The following STK31 variants were observed in gnomAD, a reference collection of about 807,000 sequenced individuals.
STK31 encodes serine/threonine kinase 31.
In STK31, 89 loss-of-function variants were observed where a neutral mutation model predicts 129.7. The observed-to-expected ratio is 0.69, with a 90% CI of 0.58 to 0.82. The LOEUF is 0.82. STK31 is among the 40% of genes least tolerant of loss of function. The pLI is 0.00. For synonymous variants in STK31, 448 were observed against 395.3 expected, an observed-to-expected ratio of 1.13 and a Z score of -1.58; for missense variants, 1,187 against 1,176.4, an observed-to-expected ratio of 1.01 and a Z score of -0.13.
intron 10 of STK31, chr7:23,755,198 T>TA (rs1339818735): frequency 6.6e-6 from 1 of 152,226 alleles, no homozygotes; most frequent in African/African-American, 2.4e-5. Flanking sequence ...TTCTAACTGG[T>TA]ATGAGATGGT....
rs182008975 is a variant in STK31 at position 23,715,269 on chromosome 7, G to C, written c.151-2212G>C. ...ACTTATAAGCAAACACTTCAGATTG[G>C]ATGAGTGGCAGCTGAAGGAATCTGA... On this transcript the variant is annotated intron_variant, in intron 3 of 23. Transcript: ENST00000355870. Among the ~76,000 whole-genome samples, 76 of 152,128 alleles carry C rather than the reference G, an allele frequency of 5.0e-4. No homozygotes were observed. The East Asian group carries it at 0.012, about 23-fold the overall frequency.
intron 13 of STK31, among the ~76,000 whole-genome samples, chr7:23,770,516 T>C (rs1185492554): frequency 6.6e-6 from 1 of 152,234 alleles, no homozygotes; most frequent in Non-Finnish European, 1.5e-5. Context: ...TTATAGTTCT[T>C]ATATTTAGCA....
At chr7:23,811,228 G>T in intron 22 of STK31, 1 of 291,866 alleles carries the variant, frequency 3.4e-6, no homozygotes, top group Non-Finnish European at 6.7e-6. Flanking sequence ...GAGCAACTGT[G>T]CCATCTAGAT....
Position 23,717,521 on chromosome 7 carries a change from C to T in STK31, c.191C>T (p.Ser64Leu), listed in dbSNP as rs1281321364. ...RNKDIMKIGC[S>L]LSEVCPQASS... is the part of the protein sequence containing the mutation. ...AAGGATATCATGAAGATTGGTTGCT[C>T]ACTGTCTGAAGTTTGCCCCCAGGCC... Residue 64 changes from serine to leucine, a missense_variant, in exon 4 of 24, where the codon TCA (serine) becomes TTA (leucine). This residue lies in a region of STK31 where 104 missense variants were observed against 98.3 expected (regional missense o/e 1.06). Transcript: ENST00000355870. The T allele has an allele frequency of 1.2e-6, 2 of 1,613,038 alleles. No individual in the cohort carries two copies. The highest frequency in any genetic ancestry group is 1.3e-5 in the African/African-American group (1 of 74,838).
chr7:23,734,155 T>C (rs1258657075), intron 6 of STK31, among the ~76,000 whole-genome samples: 1 of 152,236 alleles, frequency 6.6e-6, no homozygotes, highest in Non-Finnish European at 1.5e-5. Context: ...ACGGGTATGA[T>C]GTCCTGTTCG....
rs545817894 is a variant in STK31 at position 23,745,926 on chromosome 7, A to G, written c.1018-6791A>G. On this transcript the variant is annotated intron_variant, in intron 8 of 23. Coordinates refer to ENST00000355870, the MANE Select transcript of STK31 (RefSeq NM_031414.5). ...TGGTGGTGGCTGCAAGCAGGATAGC[A>G]TTTCCTCAGGGCCATCAAGATGTAT... Among the ~76,000 whole-genome samples the G allele has an allele frequency of 2.6e-5, 4 of 152,246 alleles. No individual in the cohort carries two copies. The East Asian group carries it at 7.8e-4, about 30-fold the overall frequency.
At chr7:23,710,616 C>T in intron 1 of STK31, 2 of 1,264,402 alleles carry the variant, frequency 1.6e-6, no homozygotes, top group South Asian at 2.0e-5. Context: ...AATTCTGTGC[C>T]ATTTAAGTTT....
At chr7:23,767,998 C>T (rs1346600347) in intron 11 of STK31, among the ~76,000 whole-genome samples, 1 of 151,684 alleles carries the variant, frequency 6.6e-6, no homozygotes, top group Admixed American at 6.6e-5. Context: ...TTTTCCAATT[C>T]TTTATTACAT....
At chr7:23,822,896 T>G (rs181937561) in intron 23 of STK31, among the ~76,000 whole-genome samples, 5,340 of 152,292 alleles carry the variant, frequency 0.035, 328 homozygotes, top group African/African-American at 0.12. Flanking sequence ...GGTTTCCAGC[T>G]TCATCCATGT....
At chr7:23,738,071 A>C (rs1488559094) in intron 8 of STK31, among the ~76,000 whole-genome samples, 1 of 152,166 alleles carries the variant, frequency 6.6e-6, no homozygotes, top group Non-Finnish European at 1.5e-5. Flanking sequence ...TGCCAGCCAC[A>C]AATGGGGTCC....
At chr7:23,772,905 TC>T (rs1790290011) in intron 15 of STK31, among the ~76,000 whole-genome samples, 1 of 152,164 alleles carries the variant, frequency 6.6e-6, no homozygotes, top group African/African-American at 2.4e-5. Context: ...TTATCTGTCT[TC>T]TACTTCTGAG....
chr7:23,734,635 G>A (rs1315113411), intron 6 of STK31, among the ~76,000 whole-genome samples: 1 of 152,142 alleles, frequency 6.6e-6, no homozygotes, highest in African/African-American at 2.4e-5. Context: ...TTGTACAGTT[G>A]TAGCCCTCTT....
At chr7:23,744,338 A>T (rs191742331) in intron 8 of STK31, among the ~76,000 whole-genome samples, 167 of 148,390 alleles carry the variant, frequency 1.1e-3, no homozygotes, top group African/African-American at 3.8e-3. Flanking sequence ...TTTCTCATTT[A>T]TAACCTGAAT....
chr7:23,777,781 C>G (rs1790654396), intron 15 of STK31, among the ~76,000 whole-genome samples: 1 of 152,058 alleles, frequency 6.6e-6, no homozygotes, highest in Admixed American at 6.6e-5. Flanking sequence ...GGTCTTGACT[C>G]TTTATCCAAT....
At chr7:23,714,001 T>TA (rs1254956671) in intron 3 of STK31, among the ~76,000 whole-genome samples, 1 of 152,150 alleles carries the variant, frequency 6.6e-6, no homozygotes, top group Non-Finnish European at 1.5e-5. Context: ...TCACCACAAA[T>TA]ATGTGAGTAA....
chr7:23,779,495 C>T (rs901813740), intron 15 of STK31, among the ~76,000 whole-genome samples: 1 of 152,208 alleles, frequency 6.6e-6, no homozygotes, highest in Non-Finnish European at 1.5e-5. Context: ...TATCTATAAG[C>T]CCCTGACTGG....
intron 15 of STK31, among the ~76,000 whole-genome samples, chr7:23,773,367 C>G (rs983488719): frequency 6.6e-6 from 1 of 151,986 alleles, no homozygotes; most frequent in Non-Finnish European, 1.5e-5. Context: ...GCAAAGAACA[C>G]GAACTCGTCC....
chr7:23,771,248 A>C, intron 14 of STK31, 124 bp downstream of exon 14: 1 of 877,196 alleles, frequency 1.1e-6, no homozygotes, highest in Non-Finnish European at 1.6e-6. Flanking sequence ...ATTCACTGTC[A>C]ACTGGAAATG....
chr7:23,792,682 A>C (rs1221917089), intron 22 of STK31, among the ~76,000 whole-genome samples: 1 of 152,218 alleles, frequency 6.6e-6, no homozygotes, highest in Non-Finnish European at 1.5e-5. Context: ...ACAAAATTGA[A>C]GGACCCAAAC....
Sources: allele counts gnomAD v4.1 joint callset (sites outside exome capture counted in the v4.1 genomes callset), GRCh38; gene constraint gnomAD v4.1.1; regional missense constraint gnomAD v4.1.1; transcripts MANE v1.5; gene names NCBI Gene and HGNC (gene_info 2026-07-23, HGNC 2026-07-21).